Variants in CDK19 observed in about 807,000 individuals in gnomAD.
CDK19 encodes the protein cyclin-dependent kinase 19.
A neutral mutation model predicts 68.3 loss-of-function variants in CDK19; 20 were observed. The ratio of observed to expected loss-of-function variants is 0.29; its 90% CI spans 0.21 to 0.43. CDK19 has a LOEUF of 0.43. CDK19 is among the 20% of genes least tolerant of loss of function. CDK19 has a pLI of 1.00. For missense variants in CDK19, 339 were observed against 623.5 expected, an observed-to-expected ratio of 0.54 and a Z score of 4.86; for synonymous variants, 221 against 222.8, an observed-to-expected ratio of 0.99 and a Z score of 0.07.
In CDK19 at chr6:110,626,850, C is replaced by T; in HGVS notation, c.791-5G>A. 1 of 1,521,796 alleles carries T rather than the reference C, an allele frequency of 6.6e-7. No homozygotes were observed. The highest frequency in any genetic ancestry group is 8.9e-7 in the Non-Finnish European group (1 of 1,120,420). 94.3% of individuals were successfully genotyped at this position (1,521,796 alleles called of 1,614,324 possible). On this transcript the variant is annotated splice_polypyrimidine_tract_variant and splice_region_variant and intron_variant, in intron 7 of 12. Coordinates refer to ENST00000368911, the MANE Select transcript of CDK19 (RefSeq NM_015076.5). ...TAATATCTTCCCAGTCTTTATCTTA[C>T]AAAAAAATTAAATATTGTTATAGAA...
chr6:110,644,408 G>T (rs890059222), intron 4 of CDK19, among the ~76,000 whole-genome samples: 10 of 151,892 alleles, frequency 6.6e-5, no homozygotes, highest in African/African-American at 2.4e-4. Context: ...GGCTGTAATG[G>T]GCACAAAAAA....
At chr6:110,798,017 A>G (rs1399123041) in intron 1 of CDK19, among the ~76,000 whole-genome samples, 1 of 149,580 alleles carries the variant, frequency 6.7e-6, no homozygotes, top group Non-Finnish European at 1.5e-5. Context: ...AAAGAAAAAG[A>G]AAGAAATATA....
At chr6:110,737,939 C>T (rs1582989679) in intron 2 of CDK19, among the ~76,000 whole-genome samples, 2 of 152,098 alleles carry the variant, frequency 1.3e-5, no homozygotes, top group South Asian at 4.1e-4. Context: ...ACAGATCTTG[C>T]TCAAGGGAAA....
chr6:110,719,859 T>A (rs2114734056), intron 2 of CDK19, among the ~76,000 whole-genome samples: 1 of 152,076 alleles, frequency 6.6e-6, no homozygotes, highest in Non-Finnish European at 1.5e-5. Context: ...GACTCCTGAG[T>A]AGCTGGGATT....
intron 2 of CDK19, among the ~76,000 whole-genome samples, chr6:110,681,371 A>G (rs1042263488): frequency 3.0e-4 from 46 of 152,292 alleles, no homozygotes; most frequent in African/African-American, 1.1e-3. Context: ...AAACAGAAAT[A>G]TGCCAAAACA....
At chr6:110,653,671 A>C (rs1165193876) in intron 4 of CDK19, among the ~76,000 whole-genome samples, 1 of 152,228 alleles carries the variant, frequency 6.6e-6, no homozygotes, top group Admixed American at 6.5e-5. Context: ...CATTTTAGTT[A>C]AATTGTATTT....
At chr6:110,801,235 A>T (rs922888569) in intron 1 of CDK19, among the ~76,000 whole-genome samples, 1 of 152,164 alleles carries the variant, frequency 6.6e-6, no homozygotes, top group Admixed American at 6.5e-5. Context: ...TGTAATCAGC[A>T]GCACTTTGGG....
At chr6:110,734,571 C>T (rs931239686) in intron 2 of CDK19, among the ~76,000 whole-genome samples, 5 of 143,816 alleles carry the variant, frequency 3.5e-5, no homozygotes, top group Non-Finnish European at 6.0e-5. Context: ...CATGTCTGGG[C>T]TTTCCTCCAT....
At chr6:110,689,292 C>T (rs1056539021) in intron 2 of CDK19, among the ~76,000 whole-genome samples, 2 of 152,094 alleles carry the variant, frequency 1.3e-5, no homozygotes, top group African/African-American at 4.8e-5. Flanking sequence ...CCTGACTGAG[C>T]CCCCACCTGG....
intron 5 of CDK19, among the ~76,000 whole-genome samples, chr6:110,638,143 A>T (rs1034535884): frequency 1.2e-4 from 18 of 152,234 alleles, no homozygotes; most frequent in Non-Finnish European, 1.6e-4. Flanking sequence ...TAAGAGAGGC[A>T]GCTAAGAGAG....
intron 1 of CDK19, among the ~76,000 whole-genome samples, chr6:110,795,886 T>G (rs976734867): frequency 6.6e-6 from 1 of 152,236 alleles, no homozygotes; most frequent in Non-Finnish European, 1.5e-5. Context: ...TATCTACAGT[T>G]AGAGGATCTT....
intron 1 of CDK19, among the ~76,000 whole-genome samples, chr6:110,779,896 C>G (rs1780671521): frequency 6.6e-6 from 1 of 151,610 alleles, no homozygotes. Context: ...ACCAGCCTGG[C>G]CAACATGGTG....
At chr6:110,745,081 T>G (rs1437278138) in intron 2 of CDK19, among the ~76,000 whole-genome samples, 1 of 152,158 alleles carries the variant, frequency 6.6e-6, no homozygotes, top group East Asian at 1.9e-4. Flanking sequence ...CTAATAGATG[T>G]GATATTATGG....
At chr6:110,774,072 G>A (rs892589252) in intron 1 of CDK19, 2 of 151,992 alleles carry the variant, frequency 1.3e-5, no homozygotes, top group African/African-American at 4.8e-5. Flanking sequence ...ATTTGACAAT[G>A]AGCATATCAA....
At chr6:110,683,408 C>T (rs1353562009) in intron 2 of CDK19, among the ~76,000 whole-genome samples, 1 of 152,114 alleles carries the variant, frequency 6.6e-6, no homozygotes, top group African/African-American at 2.4e-5. Context: ...TTAGCTTTGA[C>T]ATCAGAGATA....
At chr6:110,795,267 A>G (rs1781864531) in intron 1 of CDK19, among the ~76,000 whole-genome samples, 1 of 152,210 alleles carries the variant, frequency 6.6e-6, no homozygotes. Context: ...CACCATGCCC[A>G]GCTTAAACTT....
At chr6:110,615,679 G>A (rs1424071037) in intron 12 of CDK19, among the ~76,000 whole-genome samples, 2 of 152,128 alleles carry the variant, frequency 1.3e-5, no homozygotes, top group Admixed American at 6.5e-5. Flanking sequence ...TAGTTTAAAC[G>A]ACAATAGTCC....
chr6:110,679,854 G>A (rs1771862869), intron 2 of CDK19, among the ~76,000 whole-genome samples: 1 of 152,088 alleles, frequency 6.6e-6, no homozygotes, highest in South Asian at 2.1e-4. Flanking sequence ...TAACATATAA[G>A]CTCCATGAAG....
chr6:110,764,197 T>C (rs994690530), intron 1 of CDK19, among the ~76,000 whole-genome samples: 1 of 152,192 alleles, frequency 6.6e-6, no homozygotes, highest in Non-Finnish European at 1.5e-5. Context: ...AATCTATAGA[T>C]ACAACATAAT....
Sources: allele counts gnomAD v4.1 joint callset (sites outside exome capture counted in the v4.1 genomes callset), GRCh38; gene constraint gnomAD v4.1.1; transcripts MANE v1.5; gene names NCBI Gene and HGNC (gene_info 2026-07-23, HGNC 2026-07-21).